KIF17: variants seen among roughly 807,000 people sequenced by gnomAD.
KIF17 encodes kinesin-like protein KIF17.
KIF17 carries 80 observed loss-of-function variants against 96.8 expected under a neutral mutation model. The observed-to-expected ratio is 0.83, with a 90% CI of 0.69 to 1.00. The LOEUF (loss-of-function observed/expected upper bound fraction) is 1.00. Ranked by LOEUF, KIF17 falls within the 50% of genes least tolerant of loss-of-function variation. The pLI is 0.00. For synonymous variants in KIF17, 567 were observed against 587.5 expected (o/e 0.97, Z 0.51); for missense variants, 1,280 against 1,372.9 (o/e 0.93, Z 1.07).
Position 20,682,826 on chromosome 1 carries a change from T to G in KIF17, c.2290A>C (p.Lys764Gln). ...GGEQAKNKDL[K>Q]EKHKRRKRYA... ...CGCTTGCGCCGCTTGTGCTTCTCCT[T>G]CAGGTCCTTGTTCTTGGCCTGCTCT... The change falls in exon 11 of 15, where the codon AAG becomes CAG. Residue 764 changes from lysine to glutamine, a missense_variant. By Grantham distance (53) the Lys-to-Gln change is moderately conservative. Coordinates refer to ENST00000400463, the MANE Select transcript of KIF17 (RefSeq NM_001122819.3). The G allele has an allele frequency of 6.2e-7, 1 of 1,612,660 alleles. No homozygotes were observed. Among genetic ancestry groups the G allele is most frequent in the Non-Finnish European group, 8.5e-7 (1 of 1,180,036 alleles).
At chr1:20,677,832 A>G (rs67255253) in intron 11 of KIF17, among the ~76,000 whole-genome samples, 101,977 of 152,172 alleles carry the variant, frequency 0.67, 35,216 homozygotes, top group Non-Finnish European at 0.76. Context: ...CTCCAGCCTG[A>G]GCAACAGAGC....
intron 14 of KIF17, among the ~76,000 whole-genome samples, chr1:20,665,912 C>T (rs1324845435): frequency 1.3e-5 from 2 of 152,208 alleles, no homozygotes; most frequent in Non-Finnish European, 2.9e-5. Flanking sequence ...GGCCTAAACC[C>T]GTGCATCCCC....
chr1:20,680,935 AAT>A (rs2053818424), intron 11 of KIF17, among the ~76,000 whole-genome samples: 1 of 151,838 alleles, frequency 6.6e-6, no homozygotes, highest in African/African-American at 2.4e-5. Context: ...CATCCTGGCT[AAT>A]ACAGTGAAAC....
Position 20,684,935 on chromosome 1 carries a change from G to A in KIF17, c.2105C>T (p.Ala702Val), listed in dbSNP as rs1055036974. Residue 702 changes from alanine (A) to valine (V), a missense_variant, in exon 10 of 15, where the codon GCC becomes GTC. By Grantham distance (64) the Ala-to-Val change is moderately conservative (BLOSUM62 0). Coordinates refer to ENST00000400463, the MANE Select transcript of KIF17 (RefSeq NM_001122819.3). ...GVWLEAQAPV[A>V]LVAQPEPLPA... ...CAGGGGCTCAGGCTGAGCCACCAGGGCCACCGGGGCCTGAGCCTCCAACCA... is the reference window on the plus strand; with the variant it reads ...CAGGGGCTCAGGCTGAGCCACCAGGACCACCGGGGCCTGAGCCTCCAACCA... 1.2e-6 allele frequency: 2 copies of A among 1,600,154 alleles called. No individual in the cohort carries two copies. Among genetic ancestry groups the A allele is most frequent in the Admixed American group, 1.7e-5 (1 of 57,958 alleles).
At position 20,704,652 on chromosome 1, in the gene KIF17, C is replaced by A; in HGVS notation, c.918G>T (p.Thr306=). 6.2e-7 allele frequency: 1 copy of A among 1,614,134 alleles called. No individual in the cohort carries two copies. Among genetic ancestry groups the A allele is most frequent in the Non-Finnish European group, 8.5e-7 (1 of 1,179,992 alleles). Residue 306 remains threonine (T), a synonymous_variant, in exon 5 of 15, where the codon ACG becomes ACT. Coordinates refer to ENST00000400463, the MANE Select transcript of KIF17 (RefSeq NM_001122819.3). This position sits in a 1 kb window ranked among gnomAD's most constrained non-coding sequence, Gnocchi z 6.8. ...CAGGCGACAGGCAGGCCACCATGAG[C>A]GTCTTGGTGTTGCCGCCCAGTGAGT... ...LQDSLGGNTK[T]LMVACLSPAD...
At chr1:20,661,667 A>G, downstream of KIF17, 1 of 465,426 alleles carries the variant, frequency 2.1e-6, no homozygotes, top group Non-Finnish European at 3.8e-6. Context: ...TGCTCCGCCC[A>G]GGCCGGCCTC....
chr1:20,712,131 C>T (rs760571707), intron 3 of KIF17, among the ~76,000 whole-genome samples: 3 of 152,150 alleles, frequency 2.0e-5, no homozygotes, highest in Non-Finnish European at 4.4e-5. Flanking sequence ...CCTCTAGGCC[C>T]GGGTAACTGA....
At chr1:20,701,653 GC>G (rs1003381869) in intron 5 of KIF17, among the ~76,000 whole-genome samples, 2 of 152,134 alleles carry the variant, frequency 1.3e-5, no homozygotes, top group Non-Finnish European at 2.9e-5. Flanking sequence ...GGGTGGGGAG[GC>G]AGGAAGGGAG....
chr1:20,682,819 T>G lies in KIF17; in HGVS notation c.2297A>C (p.Lys766Thr), dbSNP rs2053855304. 6.2e-7 allele frequency: 1 copy of G among 1,612,592 alleles called. No homozygotes were observed. Among genetic ancestry groups the G allele is most frequent in the South Asian group, 1.1e-5 (1 of 91,094 alleles). Residue 766 changes from lysine to threonine, a missense_variant, in exon 11 of 15, where the codon AAG becomes ACG. Transcript: ENST00000400463. ...EQAKNKDLKE[K>T]HKRRKRYADE... is the part of the protein sequence containing the mutation. ...TGCGTAGCGCTTGCGCCGCTTGTGC[T>G]TCTCCTTCAGGTCCTTGTTCTTGGC... is the stretch of plus-strand genomic sequence containing the variant.
intron 13 of KIF17, among the ~76,000 whole-genome samples, chr1:20,667,961 G>C (rs2053556585): frequency 6.6e-6 from 1 of 151,414 alleles, no homozygotes; most frequent in African/African-American, 2.4e-5. Flanking sequence ...GGTGAGCTGA[G>C]ATCGCACAAC....
rs937367695 is a variant in KIF17 at position 20,690,339 on chromosome 1, G to A, written c.1234-4C>T. Reference sequence around the variant, plus strand: ...GGGCCAGGCGCTCTTCATACTCCTGGGGGGGTGGGAGGGACCAGAGGGCAG... The same window carrying A: ...GGGCCAGGCGCTCTTCATACTCCTGAGGGGGTGGGAGGGACCAGAGGGCAG... On this transcript the variant is annotated splice_polypyrimidine_tract_variant and splice_region_variant and intron_variant, in intron 6 of 14. Transcript: ENST00000400463. 3 of 1,605,470 alleles carry A rather than the reference G, an allele frequency of 1.9e-6. No individual in the cohort carries two copies. The highest frequency in any genetic ancestry group is 1.3e-5 in the African/African-American group (1 of 74,698).
chr1:20,685,370 C>T lies in KIF17; in HGVS notation c.2020-350G>A. On this transcript the variant is annotated intron_variant, in intron 9 of 14. Coordinates refer to ENST00000400463, the MANE Select transcript of KIF17 (RefSeq NM_001122819.3). The surrounding 1 kb of genome is among the most constrained non-coding windows in gnomAD (Gnocchi z 4.1). ...CACGTTCGCAGGAAAGTCCACTTTC[C>T]TCCCTGCCGGCTCCCTGCCTCCACG... is the stretch of plus-strand genomic sequence containing the variant. The T allele has an allele frequency of 2.2e-6, 1 of 446,912 alleles. No homozygotes were observed. Among genetic ancestry groups the T allele is most frequent in the Non-Finnish European group, 4.3e-6 (1 of 231,770 alleles). The allele number at this position is 446,912 out of a possible 1,614,324, so 27.7% of individuals were successfully genotyped here.
At position 20,687,595 on chromosome 1, in the gene KIF17, C is replaced by T. The variant is rs561922364; in HGVS notation, c.1731G>A (p.Leu577=). 2.0e-5 allele frequency: 32 copies of T among 1,614,000 alleles called. No homozygotes were observed. Among genetic ancestry groups the T allele is most frequent in the South Asian group, 1.3e-4 (12 of 91,080 alleles). The change falls in exon 8 of 15, where the codon CTG becomes CTA. Residue 577 remains leucine, a synonymous_variant. Transcript: ENST00000400463. The surrounding 1 kb of genome is among the most constrained non-coding windows in gnomAD (Gnocchi z 4.4). ...CGGCCTCCTGCCCGAGGCACTCATC[C>T]AGGAAGTATCTGCTCCTGGACTCCT... ...PTEESRSRYF[L]DECLGQEAAG... is the part of the protein sequence containing the mutation.
Position 20,709,070 on chromosome 1 carries a change from GAGTA to G in KIF17, c.670+565_670+568del, listed in dbSNP as rs2054390863. On this transcript the variant is annotated intron_variant, in intron 4 of 14. Transcript: ENST00000400463. The surrounding 1 kb of genome is among the most constrained non-coding windows in gnomAD (Gnocchi z 4.7). ...TATCCACCTCATGGGAGTGCTGTAG[GAGTA>G]AGTGAGATAATGCACACACATTGCC... Among the ~76,000 whole-genome samples, 1 of 152,180 alleles carries G rather than the reference GAGTA, an allele frequency of 6.6e-6. No homozygotes were observed. Among genetic ancestry groups the G allele is most frequent in the Non-Finnish European group, 1.5e-5 (1 of 68,018 alleles).
At chr1:20,677,402 A>G (rs924502945) in intron 11 of KIF17, among the ~76,000 whole-genome samples, 7 of 152,208 alleles carry the variant, frequency 4.6e-5, no homozygotes, top group Admixed American at 1.3e-4. Context: ...ATAGATTCCA[A>G]AGAAACCTAC....
Position 20,685,272 on chromosome 1 carries a change from C to T in KIF17, c.2020-252G>A. On this transcript the variant is annotated intron_variant, in intron 9 of 14. Coordinates refer to ENST00000400463, the MANE Select transcript of KIF17 (RefSeq NM_001122819.3). This position sits in a 1 kb window ranked among gnomAD's most constrained non-coding sequence, Gnocchi z 4.1. ...CTCACCTCCCACAATCCAGTCTCCACAGGCAGCCAGGGCCATCTTAAAATA... is the reference window on the plus strand; with the variant it reads ...CTCACCTCCCACAATCCAGTCTCCATAGGCAGCCAGGGCCATCTTAAAATA... 3.0e-6 allele frequency: 2 copies of T among 670,712 alleles called. No homozygotes were observed. The highest frequency in any genetic ancestry group is 1.5e-5 in the South Asian group (1 of 66,494). The allele number at this position is 670,712 out of a possible 1,614,324, so 41.5% of individuals were successfully genotyped here. A position where few individuals can be genotyped will look rare whatever the true frequency, so the allele number is the denominator to read the frequency against.
chr1:20,667,764 T>C (rs2053552987), intron 13 of KIF17, among the ~76,000 whole-genome samples: 1 of 152,236 alleles, frequency 6.6e-6, no homozygotes, highest in South Asian at 2.1e-4. Context: ...TCCCAGCACT[T>C]TGGGAGGCCA....
chr1:20,713,587 T>A, intron 2 of KIF17, 32 bp from the exon 3 acceptor site: 1 of 1,526,966 alleles, frequency 6.5e-7, no homozygotes, highest in Non-Finnish European at 9.0e-7. Context: ...AACCTAGACC[T>A]CAGAGCTCGA....
At chr1:20,678,150 C>G (rs977467069) in intron 11 of KIF17, among the ~76,000 whole-genome samples, 1 of 152,216 alleles carries the variant, frequency 6.6e-6, no homozygotes, top group African/African-American at 2.4e-5. Context: ...GCACATCTTA[C>G]ATGGTGGCAG....
Sources: gnomAD v4.1 joint callset for allele counts (sites outside exome capture counted in the v4.1 genomes callset) on GRCh38, gnomAD v4.1.1 for gene constraint, Gnocchi (gnomAD v3.1) non-coding constraint, MANE v1.5 for transcripts, NCBI Gene and HGNC (gene_info 2026-07-23, HGNC 2026-07-21) for gene names.